Variants in MALT1 observed in about 807,000 individuals in gnomAD.
MALT1 encodes the protein mucosa-associated lymphoid tissue lymphoma translocation protein 1.
In MALT1, 36 loss-of-function variants were observed where a neutral mutation model predicts 85.5. The observed-to-expected ratio is 0.42, with a 90% CI of 0.32 to 0.56. MALT1 has a LOEUF of 0.56. MALT1 is among the 20% of genes least tolerant of loss of function. MALT1 has a pLI of 0.10. For synonymous variants in MALT1, 359 were observed against 361.3 expected, an observed-to-expected ratio of 0.99 and a Z score of 0.07; for missense variants, 716 against 981.6, an observed-to-expected ratio of 0.73 and a Z score of 3.62.
chr18:58,746,972 T>A (rs1367518934), intron 16 of MALT1, among the ~76,000 whole-genome samples: 1 of 152,174 alleles, frequency 6.6e-6, no homozygotes, highest in Non-Finnish European at 1.5e-5. Context: ...AAGTGATCCA[T>A]CTGCGTCATC....
In MALT1 at chr18:58,749,824, T is replaced by TA. The variant is rs2055422770; in HGVS notation, c.*1983dup. On this transcript the variant is annotated 3_prime_UTR_variant, in exon 17 of 17. Transcript: ENST00000649217. ...TCCTAGATATGATAAATATAACATC[T>TA]ATGAAAAGCCCACACCTAACATTAT... is the stretch of plus-strand genomic sequence containing the variant. The TA allele has an allele frequency of 4.8e-6, 1 of 210,186 alleles. No individual in the cohort carries two copies. The highest frequency in any genetic ancestry group is 2.3e-5 in the African/African-American group (1 of 44,106). 13.0% of individuals were successfully genotyped at this position (210,186 alleles called of 1,614,324 possible). A position where few individuals can be genotyped will look rare whatever the true frequency, so the allele number is the denominator to read the frequency against.
At chr18:58,677,200 G>A (rs1454339619) in intron 1 of MALT1, among the ~76,000 whole-genome samples, 1 of 152,070 alleles carries the variant, frequency 6.6e-6, no homozygotes, top group African/African-American at 2.4e-5. Flanking sequence ...AAAACAAAAA[G>A]AGATACAGAG....
At chr18:58,673,317 CATATT>C (rs1468248751) in intron 1 of MALT1, among the ~76,000 whole-genome samples, 1 of 152,202 alleles carries the variant, frequency 6.6e-6, no homozygotes, top group East Asian at 1.9e-4. Flanking sequence ...TTTACAATAA[CATATT>C]AAATGCTGTG....
chr18:58,674,985 T>G (rs922347247), intron 1 of MALT1, among the ~76,000 whole-genome samples: 1 of 152,192 alleles, frequency 6.6e-6, no homozygotes, highest in Non-Finnish European at 1.5e-5. Flanking sequence ...TAGAAATAAT[T>G]GTAAATGTTT....
chr18:58,696,256 A>G, intron 2 of MALT1, 110 bp from the exon 3 acceptor site: 1 of 882,416 alleles, frequency 1.1e-6, no homozygotes, highest in South Asian at 3.3e-5. Flanking sequence ...TATGACAAAG[A>G]TAAATATGCA....
Position 58,752,428 on chromosome 18 carries a change from T to G in MALT1, c.*4586T>G, listed in dbSNP as rs1441595556. On this transcript the variant is annotated 3_prime_UTR_variant, in exon 17 of 17. Coordinates refer to ENST00000649217, the MANE Select transcript of MALT1 (RefSeq NM_006785.4). ...GATGTCAGCTACTCAATTTACACAT[T>G]ACTTTTGTGCATTTCATCCTGTTTC... 1 of 152,186 alleles carries G rather than the reference T, an allele frequency of 6.6e-6. No individual in the cohort carries two copies. Among genetic ancestry groups the G allele is most frequent in the Non-Finnish European group, 1.5e-5 (1 of 68,028 alleles). The allele number at this position is 152,186 out of a possible 1,614,324, so 9.4% of individuals were successfully genotyped here.
intron 2 of MALT1, among the ~76,000 whole-genome samples, chr18:58,681,787 C>T (rs1171052430): frequency 6.6e-6 from 1 of 151,534 alleles, no homozygotes; most frequent in South Asian, 2.1e-4. Context: ...TTTTTTTTGC[C>T]GCAGTGAGGC....
chr18:58,741,856 A>G lies in MALT1; in HGVS notation c.1604-9A>G. On this transcript the variant is annotated splice_polypyrimidine_tract_variant and intron_variant, in intron 13 of 16. Transcript: ENST00000649217. ...TCTTAAAAATAATATTTATTTTCAT[A>G]TCTTTTAGATATGGGTAAGTGTCAC... 15 of 1,454,942 alleles carry G rather than the reference A, an allele frequency of 1.0e-5. No homozygotes were observed. The highest frequency in any genetic ancestry group is 1.4e-5 in the Non-Finnish European group (15 of 1,077,424). The allele number at this position is 1,454,942 out of a possible 1,614,324, so 90.1% of individuals were successfully genotyped here.
intron 7 of MALT1, 36 bp downstream of exon 7, chr18:58,710,989 G>A: frequency 6.7e-7 from 1 of 1,498,474 alleles, no homozygotes; most frequent in Non-Finnish European, 9.0e-7. Context: ...CAAATCTCCT[G>A]CATGCTAGTT....
At chr18:58,744,237 T>A (rs1254548345) in intron 14 of MALT1, 101 bp from the exon 15 acceptor site, 2 of 717,222 alleles carry the variant, frequency 2.8e-6, no homozygotes, top group Non-Finnish European at 4.5e-6. Flanking sequence ...ATGTAAATCA[T>A]GTTTTTAAGC....
At chr18:58,693,208 C>T (rs983538608) in intron 2 of MALT1, among the ~76,000 whole-genome samples, 1 of 152,080 alleles carries the variant, frequency 6.6e-6, no homozygotes, top group Non-Finnish European at 1.5e-5. Flanking sequence ...ATTGCTTGAG[C>T]TTAGGAGTTT....
chr18:58,696,337 ATTTT>A lies in MALT1; in HGVS notation c.377-6_377-3del, dbSNP rs574285957. ...AAGGAAAATCCCTCTTGTGACTTTA[ATTTT>A]TTTTTTTTTTTTTTTTTTTTTTAGG... On this transcript the variant is annotated intron_variant, in intron 2 of 16. Transcript: ENST00000649217. The A allele has an allele frequency of 1.7e-3, 1,650 of 987,828 alleles. 1 individual carries two copies. The highest frequency in any genetic ancestry group is 4.5e-3 in the East Asian group (116 of 25,770). The allele number at this position is 987,828 out of a possible 1,614,324, so 61.2% of individuals were successfully genotyped here. A position where few individuals can be genotyped will look rare whatever the true frequency, so the allele number is the denominator to read the frequency against.
intron 4 of MALT1, among the ~76,000 whole-genome samples, chr18:58,703,096 C>T (rs1400448186): frequency 1.3e-5 from 2 of 152,182 alleles, no homozygotes; most frequent in African/African-American, 4.8e-5. Context: ...CAATGGCTCA[C>T]ACCAGTACTC....
intron 2 of MALT1, among the ~76,000 whole-genome samples, chr18:58,687,846 G>T (rs2054428161): frequency 6.6e-6 from 1 of 152,128 alleles, no homozygotes; most frequent in Non-Finnish European, 1.5e-5. Flanking sequence ...GCATGTACTT[G>T]TTTATCGGCA....
rs1191533771 is a variant in MALT1 at position 58,742,034 on chromosome 18, T to C, written c.1753+20T>C. ...CTCATGGTACGGTAAAGCCCATTTT[T>C]TGTTAGATCTACAATATACTTAACG... On this transcript the variant is annotated intron_variant, in intron 14 of 16. Coordinates refer to ENST00000649217, the MANE Select transcript of MALT1 (RefSeq NM_006785.4). 2 of 1,473,650 alleles carry C rather than the reference T, an allele frequency of 1.4e-6. No homozygotes were observed. Among genetic ancestry groups the C allele is most frequent in the East Asian group, 4.6e-5 (2 of 43,182 alleles). The allele number at this position is 1,473,650 out of a possible 1,614,324, so 91.3% of individuals were successfully genotyped here.
chr18:58,718,821 TAGAG>T (rs751377871), intron 9 of MALT1, among the ~76,000 whole-genome samples: 1 of 152,100 alleles, frequency 6.6e-6, no homozygotes, highest in African/African-American at 2.4e-5. Flanking sequence ...CGAGGAGAGT[TAGAG>T]AGGGCTTTAC....
chr18:58,707,177 A>G (rs2144380717), intron 4 of MALT1, among the ~76,000 whole-genome samples: 1 of 151,118 alleles, frequency 6.6e-6, no homozygotes, highest in Admixed American at 6.6e-5. Flanking sequence ...AATTTCTGTT[A>G]TTTCCATTTG....
chr18:58,717,902 C>CAT (rs10629118), intron 9 of MALT1, among the ~76,000 whole-genome samples: 15,650 of 152,158 alleles, frequency 0.1, 1,061 homozygotes, highest in Admixed American at 0.16. Flanking sequence ...AAAGGCATAG[C>CAT]CATCATATTC....
intron 2 of MALT1, among the ~76,000 whole-genome samples, chr18:58,683,968 G>A (rs2054359997): frequency 6.6e-6 from 1 of 152,142 alleles, no homozygotes; most frequent in African/African-American, 2.4e-5. Flanking sequence ...GTCTTGCTCT[G>A]TCTCCCAGGC....
Sources: allele counts gnomAD v4.1 joint callset (sites outside exome capture counted in the v4.1 genomes callset), GRCh38; gene constraint gnomAD v4.1.1; transcripts MANE v1.5; gene names NCBI Gene and HGNC (gene_info 2026-07-23, HGNC 2026-07-21).